CTNNA3: variants seen among roughly 807,000 people sequenced by gnomAD.
CTNNA3 encodes catenin alpha-3.
A neutral mutation model predicts 95.7 loss-of-function variants in CTNNA3; 76 were observed. That is an observed-to-expected ratio of 0.79 (90% CI 0.66 to 0.96). The LOEUF (loss-of-function observed/expected upper bound fraction) is 0.96. Among genes scored for constraint, CTNNA3 ranks in the 40% least tolerant of loss-of-function variants. The pLI is 0.00. For missense variants in CTNNA3, 1,191 were observed against 1,089.8 expected (o/e 1.09, Z -1.31); for synonymous variants, 431 against 374.4 (o/e 1.15, Z -1.74).
intron 5 of CTNNA3, among the ~76,000 whole-genome samples, chr10:67,469,345 T>C (rs1430665563): frequency 6.6e-6 from 1 of 152,196 alleles, no homozygotes; most frequent in Non-Finnish European, 1.5e-5. Context: ...TAAATCCCCC[T>C]AAAGTTGAAA....
chr10:67,738,097 C>T (rs957106597), intron 1 of CTNNA3, among the ~76,000 whole-genome samples: 3 of 152,144 alleles, frequency 2.0e-5, no homozygotes, highest in Non-Finnish European at 2.9e-5. Flanking sequence ...GGACCCCCAG[C>T]AAACCACAGC....
At chr10:66,546,429 T>C (rs549887993) in intron 10 of CTNNA3, among the ~76,000 whole-genome samples, 8 of 152,292 alleles carry the variant, frequency 5.3e-5, no homozygotes, top group African/African-American at 1.9e-4. Context: ...CATTTGTTTA[T>C]CCTTGATTCA....
chr10:67,331,826 G>A (rs1384884124), intron 5 of CTNNA3, among the ~76,000 whole-genome samples: 1 of 152,116 alleles, frequency 6.6e-6, no homozygotes, highest in Non-Finnish European at 1.5e-5. Context: ...CAGTGAAGAG[G>A]AACCCTAAGG....
intron 11 of CTNNA3, among the ~76,000 whole-genome samples, chr10:66,450,184 C>T (rs906980174): frequency 6.6e-6 from 1 of 152,024 alleles, no homozygotes; most frequent in Non-Finnish European, 1.5e-5. Flanking sequence ...GTGAAAAGGA[C>T]AAGCCATTTT....
chr10:66,479,829 T>C (rs1400205427), intron 11 of CTNNA3, among the ~76,000 whole-genome samples: 2 of 152,114 alleles, frequency 1.3e-5, no homozygotes. Flanking sequence ...GAATTTGTTA[T>C]CTGGTTTGTG....
chr10:67,716,844 G>A (rs1286688942), intron 1 of CTNNA3, among the ~76,000 whole-genome samples: 2 of 152,160 alleles, frequency 1.3e-5, no homozygotes, highest in African/African-American at 4.8e-5. Context: ...CCCAGTAAAA[G>A]GATTGCTGGG....
chr10:67,557,490 C>T (rs187356011), intron 3 of CTNNA3, among the ~76,000 whole-genome samples: 8 of 152,214 alleles, frequency 5.3e-5, no homozygotes, highest in Admixed American at 4.6e-4. Flanking sequence ...AGTGAGAGAA[C>T]ATATTGGTTG....
At chr10:66,869,340 A>T (rs12241456) in intron 7 of CTNNA3, among the ~76,000 whole-genome samples, 21,127 of 152,044 alleles carry the variant, frequency 0.14, 1,992 homozygotes, top group East Asian at 0.33. Context: ...CCTGCAACTC[A>T]GCACTTTGGG....
At chr10:66,434,215 A>T (rs533497610) in intron 11 of CTNNA3, among the ~76,000 whole-genome samples, 4 of 152,214 alleles carry the variant, frequency 2.6e-5, no homozygotes, top group Non-Finnish European at 5.9e-5. Flanking sequence ...ATAGCATTGA[A>T]TCTATAAATT....
chr10:67,682,672 C>T (rs1318201665), intron 1 of CTNNA3, among the ~76,000 whole-genome samples: 4 of 152,104 alleles, frequency 2.6e-5, no homozygotes, highest in Non-Finnish European at 5.9e-5. Flanking sequence ...AAATGTAATA[C>T]TTATGAAATT....
intron 9 of CTNNA3, among the ~76,000 whole-genome samples, chr10:66,690,589 T>C (rs1430596574): frequency 6.6e-6 from 1 of 151,900 alleles, no homozygotes; most frequent in Non-Finnish European, 1.5e-5. Flanking sequence ...GGTTTTTTGT[T>C]CTTGCGATAG....
At chr10:67,557,868 CT>C (rs1232142007) in intron 3 of CTNNA3, among the ~76,000 whole-genome samples, 1 of 152,116 alleles carries the variant, frequency 6.6e-6, no homozygotes, top group African/African-American at 2.4e-5. Flanking sequence ...ACCTATGATA[CT>C]AGGAACTGGG....
intron 7 of CTNNA3, among the ~76,000 whole-genome samples, chr10:66,996,641 C>T (rs1287575141): frequency 1.3e-4 from 6 of 45,122 alleles, no homozygotes; most frequent in African/African-American, 4.4e-4. Context: ...AGTGAGACTC[C>T]GTCTCTACAA....
intron 9 of CTNNA3, among the ~76,000 whole-genome samples, chr10:66,653,997 A>C (rs1845994842): frequency 6.6e-6 from 1 of 152,104 alleles, no homozygotes. Flanking sequence ...TGAAACTGTA[A>C]AACTGCTAGA....
At chr10:67,449,302 T>A (rs182609993) in intron 5 of CTNNA3, among the ~76,000 whole-genome samples, 3 of 152,188 alleles carry the variant, frequency 2.0e-5, no homozygotes, top group Admixed American at 6.5e-5. Context: ...AAACTACCAA[T>A]AACATTCTTT....
chr10:65,931,865 C>T (rs1027437150), intron 17 of CTNNA3, among the ~76,000 whole-genome samples: 5 of 152,188 alleles, frequency 3.3e-5, no homozygotes, highest in African/African-American at 4.8e-5. Flanking sequence ...GCTTAGGAAA[C>T]AGGAAATTTT....
At chr10:66,437,775 C>T (rs1046154232) in intron 11 of CTNNA3, among the ~76,000 whole-genome samples, 1 of 152,086 alleles carries the variant, frequency 6.6e-6, no homozygotes, top group Non-Finnish European at 1.5e-5. Flanking sequence ...TTGGAAGAGA[C>T]ATTCTGGTTT....
chr10:67,355,919 C>T (rs916771369), intron 5 of CTNNA3, among the ~76,000 whole-genome samples: 5 of 151,940 alleles, frequency 3.3e-5, no homozygotes, highest in African/African-American at 1.2e-4. Flanking sequence ...CTCCCAGCCT[C>T]CACACCATCA....
intron 5 of CTNNA3, among the ~76,000 whole-genome samples, chr10:67,476,600 C>G (rs868535825): frequency 1.1e-4 from 16 of 152,018 alleles, no homozygotes; most frequent in Admixed American, 2.6e-4. Context: ...GCAGCCTGAG[C>G]TGCCCCACCC....
Sources: allele counts gnomAD v4.1 joint callset (sites outside exome capture counted in the v4.1 genomes callset), GRCh38; gene constraint gnomAD v4.1.1; transcripts MANE v1.5; gene names NCBI Gene and HGNC (gene_info 2026-07-23, HGNC 2026-07-21).